The following KLHL5 variants were observed in gnomAD, a reference collection of about 807,000 sequenced individuals.
KLHL5 encodes kelch-like protein 5.
A neutral mutation model predicts 77.7 loss-of-function variants in KLHL5; 48 were observed. That is an observed-to-expected ratio of 0.62 (90% CI 0.49 to 0.79). KLHL5 has a LOEUF of 0.79. KLHL5 is among the 30% of genes least tolerant of loss of function. The pLI is 0.00. For synonymous variants in KLHL5, 260 were observed against 297.0 expected, an observed-to-expected ratio of 0.88 and a Z score of 1.28; for missense variants, 723 against 859.7, an observed-to-expected ratio of 0.84 and a Z score of 1.99.
intron 1 of KLHL5, among the ~76,000 whole-genome samples, chr4:39,073,641 TTTTA>T (rs1183870989): frequency 2.0e-5 from 3 of 151,692 alleles, no homozygotes; most frequent in Non-Finnish European, 4.4e-5. Context: ...TTATTATTAT[TTTTA>T]TTTATTTATT....
chr4:39,098,571 CT>C (rs895919109), intron 6 of KLHL5, among the ~76,000 whole-genome samples: 97 of 147,012 alleles, frequency 6.6e-4, no homozygotes, highest in African/African-American at 2.1e-3. Flanking sequence ...CGGGCCACAA[CT>C]TTTTTTTTTG....
Position 39,122,682 on chromosome 4 carries a change from G to A in KLHL5, c.*1616G>A, listed in dbSNP as rs1016557037. ...AAAAAAATTAGCCAGGCGTGGTGGC[G>A]GGTGCCTGTACGCCCAGCTACTCGG... On this transcript the variant is annotated 3_prime_UTR_variant, in exon 11 of 11. Transcript: ENST00000504108. Among the ~76,000 whole-genome samples, 4 of 151,978 alleles carry A rather than the reference G, an allele frequency of 2.6e-5. No individual in the cohort carries two copies. Among genetic ancestry groups the A allele is most frequent in the Non-Finnish European group, 4.4e-5 (3 of 67,984 alleles).
At chr4:39,110,554 C>T (rs1722380148) in intron 8 of KLHL5, among the ~76,000 whole-genome samples, 1 of 152,084 alleles carries the variant, frequency 6.6e-6, no homozygotes, top group South Asian at 2.1e-4. Context: ...AACCTCCCTC[C>T]CAGGCTCAAG....
rs1281782205 is a variant in KLHL5, at chr4:39,123,479, T to C, written c.*2413T>C. Among the ~76,000 whole-genome samples the C allele has an allele frequency of 6.6e-6, 1 of 152,052 alleles. No individual in the cohort carries two copies. The highest frequency in any genetic ancestry group is 6.6e-5 in the Admixed American group (1 of 15,264). Reference sequence around the variant, plus strand: ...AACTTCAAAATACTAGCAGGCCAAATCCAGCAGCTTATTAAAATGATCACA... The same window carrying C: ...AACTTCAAAATACTAGCAGGCCAAACCCAGCAGCTTATTAAAATGATCACA... On this transcript the variant is annotated 3_prime_UTR_variant, in exon 11 of 11. Coordinates refer to ENST00000504108, the MANE Select transcript of KLHL5 (RefSeq NM_015990.5).
At chr4:39,050,719 A>G (rs945458100) in intron 1 of KLHL5, among the ~76,000 whole-genome samples, 2 of 152,228 alleles carry the variant, frequency 1.3e-5, no homozygotes, top group African/African-American at 4.8e-5. Flanking sequence ...TATAGTAGAG[A>G]AAGAGGCAGT....
downstream of KLHL5, among the ~76,000 whole-genome samples, chr4:39,128,558 A>T (rs572514967): frequency 2.0e-4 from 31 of 152,352 alleles, no homozygotes; most frequent in African/African-American, 7.2e-4. Context: ...ATTGTTTCAA[A>T]TTAAAAATGC....
chr4:39,078,569 C>A (rs533997676), intron 2 of KLHL5, among the ~76,000 whole-genome samples: 44 of 152,134 alleles, frequency 2.9e-4, no homozygotes, highest in African/African-American at 1.0e-3. Flanking sequence ...GTGGCGTGAA[C>A]CTGTAGTCCC....
intron 1 of KLHL5, among the ~76,000 whole-genome samples, chr4:39,048,352 A>G (rs1484449330): frequency 1.3e-5 from 2 of 152,220 alleles, no homozygotes; most frequent in Non-Finnish European, 2.9e-5. Flanking sequence ...AAATGATACC[A>G]TTCTGAAAAT....
downstream of KLHL5, among the ~76,000 whole-genome samples, chr4:39,130,941 C>T (rs1428875148): frequency 6.6e-6 from 1 of 151,614 alleles, no homozygotes; most frequent in African/African-American, 2.4e-5. Flanking sequence ...ATCATAGGCT[C>T]AAGCAATCCT....
chr4:39,080,218 G>A (rs1054683864), intron 2 of KLHL5, among the ~76,000 whole-genome samples: 1 of 152,078 alleles, frequency 6.6e-6, no homozygotes, highest in African/African-American at 2.4e-5. Flanking sequence ...ACATTATCCA[G>A]TGAAAAAATG....
intron 8 of KLHL5, among the ~76,000 whole-genome samples, chr4:39,109,626 TC>T: frequency 7.6e-6 from 1 of 131,006 alleles, no homozygotes; most frequent in Non-Finnish European, 1.6e-5. Context: ...AATTTCTTTT[TC>T]TTTTTTTTTC....
At chr4:39,133,064 ATAACT>A in the KLHL5 span, among the ~76,000 whole-genome samples, 21 of 148,974 alleles carry the variant, frequency 1.4e-4, no homozygotes, top group East Asian at 3.9e-4. Flanking sequence ...TAATAAAATA[ATAACT>A]TAATATTATA....
intron 5 of KLHL5, chr4:39,093,363 A>AT: frequency 2.2e-6 from 1 of 455,070 alleles, no homozygotes; most frequent in South Asian, 1.6e-5. Flanking sequence ...TCAACAGTAA[A>AT]TGGGCATGTG....
upstream of KLHL5, among the ~76,000 whole-genome samples, chr4:39,060,802 G>A (rs553003059): frequency 5.3e-5 from 8 of 152,272 alleles, no homozygotes; most frequent in East Asian, 1.9e-4. Flanking sequence ...TCTCTAATGC[G>A]TCCTGCACAG....
At chr4:39,076,614 CT>C (rs986764431) in intron 2 of KLHL5, among the ~76,000 whole-genome samples, 1 of 151,986 alleles carries the variant, frequency 6.6e-6, no homozygotes, top group Non-Finnish European at 1.5e-5. Context: ...GAAAAAAAGC[CT>C]TTCCTACAAA....
chr4:39,081,892 T>TA lies in KLHL5; in HGVS notation c.704-69dup. On this transcript the variant is annotated intron_variant, in intron 3 of 10. Coordinates refer to ENST00000504108, the MANE Select transcript of KLHL5 (RefSeq NM_015990.5). The surrounding 1 kb of genome is among the most constrained non-coding windows in gnomAD (Gnocchi z 4.3). ...AGCTCTTATATGGAACCACTACTGT[T>TA]AACATCAATTATTTTATAAAATAAG... 8 of 1,141,262 alleles carry TA rather than the reference T, an allele frequency of 7.0e-6. No homozygotes were observed. The highest frequency in any genetic ancestry group is 8.6e-6 in the Non-Finnish European group (7 of 816,536). 70.7% of individuals were successfully genotyped at this position (1,141,262 alleles called of 1,614,324 possible). A position where few individuals can be genotyped will look rare whatever the true frequency, so the allele number is the denominator to read the frequency against.
At chr4:39,053,284 T>G (rs1209412778) in intron 1 of KLHL5, among the ~76,000 whole-genome samples, 1 of 152,240 alleles carries the variant, frequency 6.6e-6, no homozygotes, top group Non-Finnish European at 1.5e-5. Flanking sequence ...TGATCTGTGA[T>G]TGGCTCATTA....
chr4:39,060,891 T>A (rs1717360393), upstream of KLHL5, among the ~76,000 whole-genome samples: 1 of 152,198 alleles, frequency 6.6e-6, no homozygotes, highest in Non-Finnish European at 1.5e-5. Context: ...GCTCAAGGCA[T>A]TTTATCTCAT....
Position 39,063,031 on chromosome 4 carries a change from T to C in KLHL5, c.379T>C (p.Cys127Arg), listed in dbSNP as rs1252984883. 1.2e-6 allele frequency: 2 copies of C among 1,609,440 alleles called. No homozygotes were observed. The highest frequency in any genetic ancestry group is 4.5e-5 in the East Asian group (2 of 44,836). The change falls in exon 1 of 11, where the codon TGC (cysteine) becomes CGC (arginine). Residue 127 changes from cysteine (C) to arginine (R), a missense_variant. Cys to Arg is a radical substitution (Grantham distance 180). Around this residue, in one of 3 missense-constraint regions of KLHL5, gnomAD observed 221 missense variants for 222.1 expected, o/e 1.00. Transcript: ENST00000504108. ...AGAAAATGAATCTGATTCCAGTTCA[T>C]GCAGGTTGATTATTTTCTTACTGTT... ...EEENESDSSS[C>R]RTSNSSQTLS...
Sources: allele counts gnomAD v4.1 joint callset (sites outside exome capture counted in the v4.1 genomes callset), GRCh38; gene constraint gnomAD v4.1.1; regional missense constraint gnomAD v4.1.1; non-coding constraint Gnocchi (gnomAD v3.1); transcripts MANE v1.5; gene names NCBI Gene and HGNC (gene_info 2026-07-23, HGNC 2026-07-21).